Variants in CSMD3 observed in about 807,000 individuals in gnomAD.
The protein encoded by CSMD3 is CUB and sushi domain-containing protein 3.
In CSMD3, 177 loss-of-function variants were observed where a neutral mutation model predicts 435.2. The observed-to-expected ratio is 0.41, with a 90% CI of 0.36 to 0.46. The LOEUF (loss-of-function observed/expected upper bound fraction) is 0.46, where lower values mean the gene tolerates loss of function less well. CSMD3 is among the 20% of genes least tolerant of loss of function. The pLI, the probability that CSMD3 is intolerant of heterozygous loss-of-function variation, is 0.34. For synonymous variants in CSMD3, 1,656 were observed against 1,520.5 expected, an observed-to-expected ratio of 1.09 and a Z score of -2.07; for missense variants, 4,265 against 4,504.6, an observed-to-expected ratio of 0.95 and a Z score of 1.52.
intron 3 of CSMD3, among the ~76,000 whole-genome samples, chr8:113,207,155 T>C (rs1290920573): frequency 6.6e-6 from 1 of 152,154 alleles, no homozygotes; most frequent in Non-Finnish European, 1.5e-5. Flanking sequence ...CTAAAAGAAT[T>C]CTTCTTATCT....
intron 6 of CSMD3, among the ~76,000 whole-genome samples, chr8:113,010,180 A>G (rs2883836): frequency 0.6 from 91,451 of 151,330 alleles, 29,250 homozygotes; most frequent in East Asian, 0.95. Flanking sequence ...GTAGATCCCT[A>G]CAAAATTTTC....
intron 5 of CSMD3, among the ~76,000 whole-genome samples, chr8:113,029,764 A>T (rs549456035): frequency 5.3e-4 from 80 of 151,734 alleles, no homozygotes; most frequent in African/African-American, 1.9e-3. Context: ...TAGTACTGGA[A>T]ATCCTAGCCA....
intron 32 of CSMD3, among the ~76,000 whole-genome samples, chr8:112,445,966 T>C (rs1815556351): frequency 6.6e-6 from 1 of 152,246 alleles, no homozygotes; most frequent in Admixed American, 6.5e-5. Flanking sequence ...GCATATATTA[T>C]TAAAACTTTT....
At chr8:113,276,467 A>C (rs904307629) in intron 3 of CSMD3, among the ~76,000 whole-genome samples, 2 of 152,082 alleles carry the variant, frequency 1.3e-5, no homozygotes, top group African/African-American at 4.8e-5. Flanking sequence ...AGAGGAGAGA[A>C]AGCCTTAGGA....
chr8:112,429,354 T>G (rs1813418573), intron 32 of CSMD3, among the ~76,000 whole-genome samples: 1 of 152,076 alleles, frequency 6.6e-6, no homozygotes, highest in Admixed American at 6.6e-5. Flanking sequence ...TCATCCTTGT[T>G]GTTCTTATTT....
At chr8:113,372,024 A>G (rs1401203430) in intron 1 of CSMD3, among the ~76,000 whole-genome samples, 1 of 152,186 alleles carries the variant, frequency 6.6e-6, no homozygotes, top group African/African-American at 2.4e-5. Context: ...ACAGTTCCAC[A>G]CTAGTTAAAA....
intron 22 of CSMD3, among the ~76,000 whole-genome samples, chr8:112,594,565 G>T (rs1341045960): frequency 6.6e-6 from 1 of 152,160 alleles, no homozygotes; most frequent in Non-Finnish European, 1.5e-5. Flanking sequence ...TCTGGGGGCA[G>T]GGCACAAACA....
Position 112,287,259 on chromosome 8 carries a change from A to T in CSMD3, c.9149-13T>A, listed in dbSNP as rs1246187632. On this transcript the variant is annotated splice_polypyrimidine_tract_variant and intron_variant, in intron 57 of 70. Coordinates refer to ENST00000297405, the MANE Select transcript of CSMD3 (RefSeq NM_198123.2). The stretch of plus-strand genomic sequence containing the variant: ...CCAGTAGCATCACCTGCAATGCAGT[A>T]CAGTTCAAGTTAACCAATTCCCATA... 1 of 1,613,172 alleles carries T rather than the reference A, an allele frequency of 6.2e-7. No individual in the cohort carries two copies.
chr8:112,248,395 G>C (rs1814956386), intron 63 of CSMD3, among the ~76,000 whole-genome samples: 1 of 152,112 alleles, frequency 6.6e-6, no homozygotes, highest in Non-Finnish European at 1.5e-5. Context: ...TTACATTTGA[G>C]TGGATAAAAA....
chr8:113,146,910 A>C (rs2091688286), intron 4 of CSMD3, among the ~76,000 whole-genome samples: 1 of 151,692 alleles, frequency 6.6e-6, no homozygotes, highest in South Asian at 2.1e-4. Context: ...GTATAATAAA[A>C]ATCAGCCAGG....
intron 5 of CSMD3, among the ~76,000 whole-genome samples, chr8:113,021,922 C>A (rs2086697248): frequency 6.6e-6 from 1 of 152,096 alleles, no homozygotes; most frequent in African/African-American, 2.4e-5. Context: ...CTTAGATAAG[C>A]CAAGAAACTG....
rs568334636 is a variant in CSMD3 at position 112,468,333 on chromosome 8, C to G, written c.5395+4258G>C. Among the ~76,000 whole-genome samples the G allele has an allele frequency of 1.1e-4, 16 of 151,154 alleles. No individual in the cohort carries two copies. In the South Asian group the frequency reaches 1.3e-3, roughly 12 times the overall value. ...CTCTTTGGGCTTTAAAATAAATACC[C>G]CAGTATCTGCTGGAGTAAGAGAAAA... is the stretch of plus-strand genomic sequence containing the variant. On this transcript the variant is annotated intron_variant, in intron 32 of 70. Transcript: ENST00000297405.
intron 10 of CSMD3, among the ~76,000 whole-genome samples, chr8:112,910,094 A>T (rs1465972842): frequency 6.6e-6 from 1 of 151,808 alleles, no homozygotes; most frequent in East Asian, 1.9e-4. Context: ...AGTGCAGTTA[A>T]ATTGACCAAT....
At chr8:112,672,183 G>T (rs938128590) in intron 16 of CSMD3, among the ~76,000 whole-genome samples, 2 of 152,030 alleles carry the variant, frequency 1.3e-5, no homozygotes, top group Non-Finnish European at 2.9e-5. Context: ...AGGAGATGTT[G>T]TCAAAGAAGA....
chr8:112,272,538 T>C (rs1235808596), intron 59 of CSMD3, among the ~76,000 whole-genome samples: 3 of 152,102 alleles, frequency 2.0e-5, no homozygotes, highest in Admixed American at 6.6e-5. Flanking sequence ...ATAACATGAA[T>C]GGAAAATTTC....
chr8:112,330,145 A>G (rs994728976), intron 45 of CSMD3, among the ~76,000 whole-genome samples: 2 of 152,168 alleles, frequency 1.3e-5, no homozygotes, highest in African/African-American at 4.8e-5. Flanking sequence ...TTACATCTGC[A>G]GCAATCTCTT....
intron 5 of CSMD3, among the ~76,000 whole-genome samples, chr8:113,093,875 T>C (rs1004445840): frequency 6.6e-6 from 1 of 152,164 alleles, no homozygotes; most frequent in African/African-American, 2.4e-5. Context: ...CTATGTTATA[T>C]AACCTGCATG....
chr8:112,304,588 G>A (rs142492682), intron 52 of CSMD3, 133 bp downstream of exon 52: 40 of 707,078 alleles, frequency 5.7e-5, no homozygotes, highest in East Asian at 1.3e-4. Context: ...ATTTAAAAAC[G>A]TAACGAGAAT....
chr8:112,406,418 A>C (rs1831865418), intron 35 of CSMD3, 106 bp downstream of exon 35: 1 of 601,048 alleles, frequency 1.7e-6, no homozygotes, highest in Non-Finnish European at 2.8e-6. Flanking sequence ...AATTATTTAA[A>C]ATTAAGTACA....
Sources: allele counts gnomAD v4.1 joint callset (sites outside exome capture counted in the v4.1 genomes callset), GRCh38; gene constraint gnomAD v4.1.1; transcripts MANE v1.5; gene names NCBI Gene and HGNC (gene_info 2026-07-23, HGNC 2026-07-21).